The following GABRB1 variants were observed in gnomAD, a reference collection of about 807,000 sequenced individuals.
GABRB1 encodes the protein gamma-aminobutyric acid type A receptor subunit beta1, also known as gamma-aminobutyric acid receptor subunit beta-1.
In GABRB1, 17 loss-of-function variants were observed where a neutral mutation model predicts 51.6. The ratio of observed to expected loss-of-function variants is 0.33; its 90% CI spans 0.23 to 0.49. The LOEUF (loss-of-function observed/expected upper bound fraction) is 0.49, where lower values mean the gene tolerates loss of function less well. Among genes scored for constraint, GABRB1 ranks in the 20% least tolerant of loss-of-function variants. The pLI is 0.99. For synonymous variants in GABRB1, 247 were observed against 218.9 expected, an observed-to-expected ratio of 1.13 and a Z score of -1.14; for missense variants, 410 against 600.6, an observed-to-expected ratio of 0.68 and a Z score of 3.32.
upstream of GABRB1, among the ~76,000 whole-genome samples, chr4:47,029,475 G>T (rs1269308735): frequency 6.6e-6 from 1 of 151,664 alleles, no homozygotes; most frequent in Non-Finnish European, 1.5e-5. Flanking sequence ...CCTTCTGATG[G>T]TTAAATTTGC....
intron 4 of GABRB1, among the ~76,000 whole-genome samples, chr4:47,246,370 A>G (rs1198315173): frequency 8.2e-5 from 4 of 48,620 alleles, no homozygotes; most frequent in African/African-American, 4.3e-4. Context: ...ATATATATAT[A>G]TATATATATA....
intron 5 of GABRB1, among the ~76,000 whole-genome samples, chr4:47,401,443 A>AGTAG (rs1417228391): frequency 1.3e-5 from 2 of 152,140 alleles, no homozygotes; most frequent in Non-Finnish European, 2.9e-5. Flanking sequence ...TTCCTTCTTT[A>AGTAG]GTAGGCCCAA....
intron 5 of GABRB1, among the ~76,000 whole-genome samples, chr4:47,384,435 G>T (rs1201386006): frequency 6.7e-6 from 1 of 148,580 alleles, no homozygotes; most frequent in Non-Finnish European, 1.5e-5. Flanking sequence ...AAAAAGGAAA[G>T]AAGGTGAATT....
At chr4:47,020,213 A>G (rs932454714) in intron 1 of GABRB1, among the ~76,000 whole-genome samples, 3 of 152,116 alleles carry the variant, frequency 2.0e-5, no homozygotes, top group South Asian at 2.1e-4. Flanking sequence ...GACATCAATC[A>G]TATTTTATTA....
chr4:47,298,350 G>A (rs989207477), intron 4 of GABRB1, among the ~76,000 whole-genome samples: 8 of 152,164 alleles, frequency 5.3e-5, no homozygotes, highest in Non-Finnish European at 1.2e-4. Flanking sequence ...CATCATCTCA[G>A]CCCAAAATCT....
intron 3 of GABRB1, among the ~76,000 whole-genome samples, chr4:47,082,937 T>A (rs1156887125): frequency 2.0e-5 from 3 of 152,106 alleles, no homozygotes; most frequent in Non-Finnish European, 4.4e-5. Flanking sequence ...AAATCAGGAA[T>A]TTACCTTAAT....
intron 5 of GABRB1, among the ~76,000 whole-genome samples, chr4:47,323,681 G>A (rs1054722570): frequency 6.6e-6 from 1 of 152,296 alleles, no homozygotes; most frequent in Admixed American, 6.5e-5. Context: ...AACTTTGCCT[G>A]CATCACAAAA....
chr4:47,251,108 C>T (rs187384328), intron 4 of GABRB1, among the ~76,000 whole-genome samples: 20 of 152,200 alleles, frequency 1.3e-4, no homozygotes, highest in Non-Finnish European at 2.2e-4. Context: ...GGCTGAAGGC[C>T]GTTATTCAGA....
chr4:47,167,947 A>G (rs1041991479), intron 4 of GABRB1, among the ~76,000 whole-genome samples: 4 of 152,166 alleles, frequency 2.6e-5, no homozygotes. Context: ...TTATAGCAAC[A>G]CAAAATGGAC....
intron 3 of GABRB1, among the ~76,000 whole-genome samples, chr4:47,091,955 A>G (rs974792772): frequency 8.6e-5 from 13 of 151,788 alleles, no homozygotes; most frequent in African/African-American, 3.1e-4. Context: ...CACTCCATCT[A>G]TCTCTGTTCA....
chr4:47,031,643 G>C lies in GABRB1; in HGVS notation c.-9G>C. The C allele has an allele frequency of 3.1e-6, 5 of 1,605,050 alleles. No individual in the cohort carries two copies. Among genetic ancestry groups the C allele is most frequent in the Middle Eastern group, 3.3e-4 (2 of 6,046 alleles). ...GCAGAAAAGACAATTCTTTTAATCA[G>C]AGTTAGTAATGTGGACAGTACAAAA... On this transcript the variant is annotated 5_prime_UTR_variant, in exon 1 of 9. Transcript: ENST00000295454.
At chr4:47,006,413 C>T (rs1724399815) in intron 1 of GABRB1, among the ~76,000 whole-genome samples, 1 of 152,140 alleles carries the variant, frequency 6.6e-6, no homozygotes, top group South Asian at 2.1e-4. Context: ...TCAAAACTTT[C>T]CTATAATGAT....
Position 47,212,284 on chromosome 4 carries a change from C to T in GABRB1, c.461+50815C>T, listed in dbSNP as rs370567993. 1.2e-4 allele frequency among the ~76,000 whole-genome samples: 19 copies of T among 152,260 alleles called. No individual in the cohort carries two copies. In the East Asian group the frequency reaches 3.5e-3, roughly 28 times the overall value. On this transcript the variant is annotated intron_variant, in intron 4 of 8. Transcript: ENST00000295454. ...CCATTGGCCAAACCCAACCAGTAGC[C>T]ACAGCGGGAGGCCACTAACAACATC...
intron 4 of GABRB1, among the ~76,000 whole-genome samples, chr4:47,238,454 A>G (rs1354819899): frequency 3.3e-5 from 5 of 152,154 alleles, no homozygotes; most frequent in Admixed American, 3.3e-4. Context: ...ATTTTTAAAG[A>G]TGCTTTTTAA....
intron 3 of GABRB1, among the ~76,000 whole-genome samples, chr4:47,055,332 G>A (rs955417568): frequency 6.6e-6 from 1 of 152,150 alleles, no homozygotes; most frequent in Non-Finnish European, 1.5e-5. Flanking sequence ...ATTTTAGACT[G>A]CCAAACTTAA....
intron 1 of GABRB1, among the ~76,000 whole-genome samples, chr4:46,998,060 T>G (rs1027578247): frequency 1.3e-5 from 2 of 152,238 alleles, no homozygotes; most frequent in African/African-American, 2.4e-5. Context: ...AAGGGTTTCC[T>G]AATCTGGGGG....
chr4:47,007,359 T>C (rs923662712), intron 1 of GABRB1, among the ~76,000 whole-genome samples: 1 of 152,176 alleles, frequency 6.6e-6, no homozygotes, highest in Non-Finnish European at 1.5e-5. Context: ...CCTCAATTAA[T>C]AGCTTAAAAA....
intron 3 of GABRB1, among the ~76,000 whole-genome samples, chr4:47,083,430 A>T (rs1016683229): frequency 6.6e-6 from 1 of 152,146 alleles, no homozygotes; most frequent in African/African-American, 2.4e-5. Context: ...CGACTTACAG[A>T]TTTTCATGTC....
chr4:47,240,642 C>G (rs1721486893), intron 4 of GABRB1, among the ~76,000 whole-genome samples: 1 of 152,180 alleles, frequency 6.6e-6, no homozygotes, highest in African/African-American at 2.4e-5. Flanking sequence ...AACTAATTGC[C>G]TTTCCTTTCA....
Sources: allele counts gnomAD v4.1 joint callset (sites outside exome capture counted in the v4.1 genomes callset), GRCh38; gene constraint gnomAD v4.1.1; transcripts MANE v1.5; gene names NCBI Gene and HGNC (gene_info 2026-07-23, HGNC 2026-07-21).